ERMP1: variants seen among roughly 807,000 people sequenced by gnomAD.
The protein encoded by ERMP1 is endoplasmic reticulum metallopeptidase 1, also known as Felix-ina.
ERMP1 carries 86 observed loss-of-function variants against 92.0 expected under a neutral mutation model. That is an observed-to-expected ratio of 0.93 (90% confidence interval 0.79 to 1.12). ERMP1 has a LOEUF of 1.12. Among genes scored for constraint, ERMP1 ranks in the 50% most tolerant of loss-of-function variants. The probability of loss-of-function intolerance (pLI) is 0.00; values close to 1 mark genes in which losing one functional copy is unlikely to be tolerated. For synonymous variants in ERMP1, 530 were observed against 412.8 expected (o/e 1.28, Z -3.44); for missense variants, 1,342 against 1,116.3 (o/e 1.20, Z -2.88).
At chr9:5,828,782 G>A (rs1050475318) in intron 2 of ERMP1, among the ~76,000 whole-genome samples, 3 of 152,084 alleles carry the variant, frequency 2.0e-5, no homozygotes, top group African/African-American at 7.2e-5. Flanking sequence ...AGGGTAGAGG[G>A]GAAACTTTTT....
chr9:5,860,905 C>T (rs1830466272), intron 5 of ERMP1, among the ~76,000 whole-genome samples: 1 of 152,068 alleles, frequency 6.6e-6, no homozygotes, highest in African/African-American at 2.4e-5. Context: ...TTCACTGTCC[C>T]ACCTCCACCC....
At chr9:5,817,292 C>A (rs975200100) in intron 4 of ERMP1, among the ~76,000 whole-genome samples, 4 of 152,010 alleles carry the variant, frequency 2.6e-5, no homozygotes, top group East Asian at 1.9e-4. Flanking sequence ...CGGGTTCAAG[C>A]GATTCTCCTG....
At chr9:5,852,417 A>C (rs1203486953) in intron 6 of ERMP1, among the ~76,000 whole-genome samples, 2 of 151,802 alleles carry the variant, frequency 1.3e-5, no homozygotes, top group African/African-American at 4.8e-5. Flanking sequence ...CATTGCCACC[A>C]GCTAATTTTT....
At position 5,788,210 on chromosome 9, in the gene ERMP1, T is replaced by C. The variant is rs73639513; in HGVS notation, c.2387-617A>G. On this transcript the variant is annotated intron_variant, in intron 13 of 14. Coordinates refer to ENST00000339450, the MANE Select transcript of ERMP1 (RefSeq NM_024896.3). ...TACCCACATTTGAAATAACCGTAAA[T>C]TTTTAAATCTCAGGGAGCAATCTCA... is the stretch of plus-strand genomic sequence containing the variant. Among the ~76,000 whole-genome samples, 873 of 152,282 alleles carry C rather than the reference T, an allele frequency of 5.7e-3. 10 individuals are homozygous for C. The highest frequency in any genetic ancestry group is 0.019 in the African/African-American group (794 of 41,548).
intron 5 of ERMP1, among the ~76,000 whole-genome samples, chr9:5,866,547 C>T (rs569029777): frequency 6.6e-6 from 1 of 152,168 alleles, no homozygotes; most frequent in Non-Finnish European, 1.5e-5. Flanking sequence ...GATTATCTCA[C>T]CTCCCTCTCA....
At chr9:5,817,046 C>G (rs1406379659) in intron 4 of ERMP1, among the ~76,000 whole-genome samples, 1 of 151,664 alleles carries the variant, frequency 6.6e-6, no homozygotes, top group African/African-American at 2.4e-5. Flanking sequence ...CTACAGGCGC[C>G]TGCCAATATG....
At chr9:5,812,784 G>T (rs752943855) in intron 5 of ERMP1, 105 bp downstream of exon 5, 12 of 1,265,788 alleles carry the variant, frequency 9.5e-6, no homozygotes. Context: ...CTCACATAAA[G>T]AATTTGATCT....
chr9:5,803,348 T>C (rs1828746358), intron 10 of ERMP1, among the ~76,000 whole-genome samples: 1 of 152,204 alleles, frequency 6.6e-6, no homozygotes, highest in Non-Finnish European at 1.5e-5. Flanking sequence ...GAGGCAGTCT[T>C]CTCTCCAAAA....
chr9:5,836,935 C>A (rs1055615147), upstream of ERMP1, among the ~76,000 whole-genome samples: 6 of 152,130 alleles, frequency 3.9e-5, no homozygotes, highest in African/African-American at 1.4e-4. Flanking sequence ...TTTAACCCCC[C>A]CTCAAATTCT....
intron 5 of ERMP1, among the ~76,000 whole-genome samples, chr9:5,861,170 GGTGTGTGTGTGTGTGTGT>G (rs35593711): frequency 0.042 from 4,307 of 102,094 alleles, 106 homozygotes; most frequent in Non-Finnish European, 0.058. Flanking sequence ...TGGCTTAGGG[GGTGTGTGTGTGTGTGTGT>G]GTGTGTGTGT....
chr9:5,809,186 A>G (rs1192891144), intron 8 of ERMP1, among the ~76,000 whole-genome samples: 1 of 151,684 alleles, frequency 6.6e-6, no homozygotes, highest in Non-Finnish European at 1.5e-5. Flanking sequence ...TCGCCCGGCT[A>G]ATTTTTTGTA....
At chr9:5,811,585 T>G (rs1191609628) in intron 6 of ERMP1, among the ~76,000 whole-genome samples, 1 of 152,232 alleles carries the variant, frequency 6.6e-6, no homozygotes, top group African/African-American at 2.4e-5. Context: ...CTCAGCCAAC[T>G]GGCCTGTATC....
intron 13 of ERMP1, among the ~76,000 whole-genome samples, chr9:5,794,340 T>C (rs1828326505): frequency 6.6e-6 from 1 of 151,928 alleles, no homozygotes. Flanking sequence ...GAAAAGATGA[T>C]TTAAAATCAA....
intron 6 of ERMP1, among the ~76,000 whole-genome samples, chr9:5,854,214 C>T (rs1481181894): frequency 1.3e-5 from 2 of 151,730 alleles, no homozygotes; most frequent in Non-Finnish European, 2.9e-5. Context: ...TATCTAGGTG[C>T]TAGAAAGAGA....
chr9:5,802,635 C>T (rs984238626), intron 10 of ERMP1, among the ~76,000 whole-genome samples: 6 of 152,216 alleles, frequency 3.9e-5, no homozygotes, highest in African/African-American at 1.4e-4. Flanking sequence ...ATCCACCCGC[C>T]TCAGCCTCCC....
In ERMP1 at chr9:5,801,259, T is replaced by C; in HGVS notation, c.1984A>G (p.Thr662Ala). The C allele has an allele frequency of 6.2e-7, 1 of 1,613,882 alleles. No homozygotes were observed. Among genetic ancestry groups the C allele is most frequent in the Non-Finnish European group, 8.5e-7 (1 of 1,179,854 alleles). ...MLTLTLVCAI[T>A]FLLVCSGTFF... ...GTTCCACTGCAAACAAGGAGGAATG[T>C]AATTGCACATACCAAAGTTAAAGTT... Residue 662 changes from threonine to alanine, a missense_variant, in exon 11 of 15, where the codon ACA becomes GCA. Coordinates refer to ENST00000339450, the MANE Select transcript of ERMP1 (RefSeq NM_024896.3).
Position 5,786,951 on chromosome 9 carries a change from A to G in ERMP1, c.*193T>C. On this transcript the variant is annotated 3_prime_UTR_variant, in exon 15 of 15. Transcript: ENST00000339450. ...AAAAGACTGGCATTTTCAAGTGTCA[A>G]CAGGCCATGCATCACTGCGCCACAG... 2.1e-6 allele frequency: 1 copy of G among 486,382 alleles called. No individual in the cohort carries two copies. The highest frequency in any genetic ancestry group is 3.0e-5 in the South Asian group (1 of 33,322). The allele number at this position is 486,382 out of a possible 1,614,324, so 30.1% of individuals were successfully genotyped here.
intron 4 of ERMP1, among the ~76,000 whole-genome samples, chr9:5,817,576 A>G (rs1829366128): frequency 6.6e-6 from 1 of 152,274 alleles, no homozygotes; most frequent in South Asian, 2.1e-4. Flanking sequence ...AGGCAGATAC[A>G]GAAACATTTT....
intron 2 of ERMP1, among the ~76,000 whole-genome samples, chr9:5,827,087 A>C (rs1829755685): frequency 6.6e-6 from 1 of 152,230 alleles, no homozygotes; most frequent in Admixed American, 6.5e-5. Flanking sequence ...ACCTGGAACC[A>C]CACAGCAAAC....
Sources: allele counts gnomAD v4.1 joint callset (sites outside exome capture counted in the v4.1 genomes callset), GRCh38; gene constraint gnomAD v4.1.1; transcripts MANE v1.5; gene names NCBI Gene and HGNC (gene_info 2026-07-23, HGNC 2026-07-21).